ADPGK: variants seen among roughly 807,000 people sequenced by gnomAD.
The protein encoded by ADPGK is ADP-dependent glucokinase.
In ADPGK, 26 loss-of-function variants were observed where a neutral mutation model predicts 42.4. The observed-to-expected ratio is 0.61, with a 90% CI of 0.45 to 0.85. The LOEUF (loss-of-function observed/expected upper bound fraction) is 0.85. Ranked by LOEUF, ADPGK falls within the 40% of genes least tolerant of loss-of-function variation. The pLI is 0.00. For missense variants in ADPGK, 571 were observed against 627.0 expected, an observed-to-expected ratio of 0.91 and a Z score of 0.95; for synonymous variants, 267 against 252.6, an observed-to-expected ratio of 1.06 and a Z score of -0.54.
intron 3 of ADPGK, among the ~76,000 whole-genome samples, chr15:72,761,700 ATT>A (rs36022165): frequency 5.4e-4 from 77 of 142,934 alleles, no homozygotes; most frequent in African/African-American, 1.8e-3. Context: ...CTGCTTCATG[ATT>A]TTTTTTTTTT....
chr15:72,761,300 CTGTT>C (rs1164074857), intron 3 of ADPGK, among the ~76,000 whole-genome samples: 3 of 152,212 alleles, frequency 2.0e-5, no homozygotes, highest in Admixed American at 1.3e-4. Flanking sequence ...CAGATGAAAA[CTGTT>C]TGAGTTTTTA....
In ADPGK at chr15:72,752,308, C is replaced by A; in HGVS notation, c.*33G>T. On this transcript the variant is annotated 3_prime_UTR_variant, in exon 7 of 7. Transcript: ENST00000456471. The stretch of plus-strand genomic sequence containing the variant: ...TGTAATTCTTAAGTTGGCTAGTTCT[C>A]CTTCCTCAGAAAAATTACCCCTAAG... 3.2e-6 allele frequency: 5 copies of A among 1,565,750 alleles called. No individual in the cohort carries two copies. The South Asian group carries it at 4.8e-5, about 15-fold the overall frequency.
chr15:72,774,378 TG>T (rs1267528450), intron 2 of ADPGK, among the ~76,000 whole-genome samples: 2 of 151,932 alleles, frequency 1.3e-5, no homozygotes, highest in Admixed American at 1.3e-4. Flanking sequence ...GCAGGCATAC[TG>T]GGGTGAGGTA....
chr15:72,757,983 A>T (rs2066138415), intron 4 of ADPGK: 1 of 1,283,554 alleles, frequency 7.8e-7, no homozygotes, highest in Non-Finnish European at 1.1e-6. Context: ...CACAGGAAAC[A>T]AGGCAGCAGA....
At chr15:72,779,534 C>A (rs2066431416) in intron 1 of ADPGK, among the ~76,000 whole-genome samples, 1 of 152,042 alleles carries the variant, frequency 6.6e-6, no homozygotes, top group Admixed American at 6.6e-5. Flanking sequence ...CGTGAGCCAC[C>A]ATGCCTGCCG....
intron 2 of ADPGK, among the ~76,000 whole-genome samples, chr15:72,774,014 T>C (rs765295572): frequency 1.1e-4 from 16 of 152,276 alleles, no homozygotes; most frequent in Non-Finnish European, 1.0e-4. Flanking sequence ...GCTAATTTTT[T>C]GTATTTTTTG....
Position 72,752,722 on chromosome 15 carries a change from G to A in ADPGK, c.1113C>T (p.Ser371=). The part of the protein sequence containing the change: ...WILKEHGRSK[S]RASDLTRIHF... Reference sequence around the variant, plus strand: ...GGATCCTGGTGAGATCCGAGGCTCTGCTTTTACTCCTCCCATGTTCTTTCA... The same window carrying A: ...GGATCCTGGTGAGATCCGAGGCTCTACTTTTACTCCTCCCATGTTCTTTCA... Residue 371 remains serine, a synonymous_variant, in exon 7 of 7, where the codon AGC becomes AGT. Transcript: ENST00000456471. 1 of 1,614,220 alleles carries A rather than the reference G, an allele frequency of 6.2e-7. No homozygotes were observed. Among genetic ancestry groups the A allele is most frequent in the East Asian group, 2.2e-5 (1 of 44,882 alleles).
At position 72,758,378 on chromosome 15, in the gene ADPGK, G is replaced by A. The variant is rs1022784108; in HGVS notation, c.644-1931C>T. The A allele has an allele frequency of 7.1e-6, 4 of 566,354 alleles. No homozygotes were observed. The African/African-American group carries it at 7.5e-5, about 11-fold the overall frequency. The allele number at this position is 566,354 out of a possible 1,614,324, so 35.1% of individuals were successfully genotyped here. A position where few individuals can be genotyped will look rare whatever the true frequency, so the allele number is the denominator to read the frequency against. On this transcript the variant is annotated intron_variant, in intron 4 of 6. Coordinates refer to ENST00000456471, the MANE Select transcript of ADPGK (RefSeq NM_001365225.1). ...TGCGTAGTGACTCACTGGATTCCCA[G>A]CCCAAGCCTGACAATGGGCTTCTCT... is the stretch of plus-strand genomic sequence containing the variant.
intron 3 of ADPGK, among the ~76,000 whole-genome samples, chr15:72,761,074 G>C (rs940106407): frequency 3.9e-5 from 6 of 152,188 alleles, no homozygotes; most frequent in African/African-American, 1.4e-4. Context: ...CTGCAAGCCA[G>C]GAAGAGACTT....
intron 3 of ADPGK, among the ~76,000 whole-genome samples, chr15:72,765,555 T>C (rs2151081039): frequency 6.6e-6 from 1 of 152,380 alleles, no homozygotes; most frequent in Non-Finnish European, 1.5e-5. Flanking sequence ...TGAAAACTTC[T>C]GGAAAGAATT....
chr15:72,760,246 A>C, intron 4 of ADPGK, 161 bp downstream of exon 4: 1 of 840,066 alleles, frequency 1.2e-6, no homozygotes, highest in Non-Finnish European at 1.7e-6. Context: ...GACAACGGCC[A>C]GTATCAGCTC....
chr15:72,756,587 G>T, intron 4 of ADPGK, 140 bp from the exon 5 acceptor site: 1 of 848,028 alleles, frequency 1.2e-6, no homozygotes, highest in Non-Finnish European at 1.8e-6. Flanking sequence ...CAGCAACAAT[G>T]GCCTAAGGTC....
intron 6 of ADPGK, among the ~76,000 whole-genome samples, chr15:72,753,787 G>A (rs1358232237): frequency 6.6e-6 from 1 of 152,142 alleles, no homozygotes; most frequent in Non-Finnish European, 1.5e-5. Context: ...CCTCAGAAGG[G>A]TTAAGTAGAC....
At chr15:72,779,105 T>C (rs2066424858) in intron 1 of ADPGK, among the ~76,000 whole-genome samples, 1 of 152,164 alleles carries the variant, frequency 6.6e-6, no homozygotes, top group Admixed American at 6.5e-5. Context: ...AAGTTGTACA[T>C]GAAGGGATTA....
chr15:72,781,992 G>A (rs930601922), intron 1 of ADPGK, among the ~76,000 whole-genome samples: 15 of 152,290 alleles, frequency 9.8e-5, no homozygotes, highest in Middle Eastern at 3.4e-3. Flanking sequence ...AGGCCACATC[G>A]GAAGCCAATC....
At chr15:72,767,396 A>C (rs2066274158) in intron 3 of ADPGK, among the ~76,000 whole-genome samples, 1 of 151,698 alleles carries the variant, frequency 6.6e-6, no homozygotes, top group Non-Finnish European at 1.5e-5. Context: ...AAAAAAAAAA[A>C]CCAATAAGAA....
In ADPGK at chr15:72,760,410, C is replaced by T; in HGVS notation, c.640G>A (p.Ala214Thr). ...DEFHLILEYQ[A>T]GEEWGQLKAP... ...CATTACTTACTCATTTCCTTACCTG[C>T]TTGATACTCTAAAATGAGGTGGAAC... The change falls in exon 4 of 7, where the codon GCA (alanine) becomes ACA (threonine). Residue 214 changes from alanine to threonine, a missense_variant. Physicochemically the swap from Ala to Thr is moderately conservative, Grantham distance 58. Transcript: ENST00000456471. 2.5e-6 allele frequency: 4 copies of T among 1,599,844 alleles called. No individual in the cohort carries two copies. Among genetic ancestry groups the T allele is most frequent in the South Asian group, 1.1e-5 (1 of 89,620 alleles).
At position 72,783,725 on chromosome 15, in the gene ADPGK, T is replaced by C. The variant is rs1280059528; in HGVS notation, c.-34A>G. 6 of 1,425,634 alleles carry C rather than the reference T, an allele frequency of 4.2e-6. No individual in the cohort carries two copies. The highest frequency in any genetic ancestry group is 2.9e-5 in the Admixed American group (1 of 35,034). 88.3% of individuals were successfully genotyped at this position (1,425,634 alleles called of 1,614,324 possible). A position where few individuals can be genotyped will look rare whatever the true frequency, so the allele number is the denominator to read the frequency against. ...AGGCGCCGCACCTGCGCGAACCAAC[T>C]CCTTTCCTAGCCCGCGCCTCTTCCG... is the stretch of plus-strand genomic sequence containing the variant. On this transcript the variant is annotated 5_prime_UTR_variant, in exon 1 of 7. Transcript: ENST00000456471.
rs1239893691 is a variant in ADPGK, at chr15:72,762,932, G to A, written c.523-2405C>T. On this transcript the variant is annotated intron_variant, in intron 3 of 6. Coordinates refer to ENST00000456471, the MANE Select transcript of ADPGK (RefSeq NM_001365225.1). ...CTGGGAGGTGGAGAGCCAAGATCATGCCACTGCACTCTGGCATGGGCGACA... is the reference window on the plus strand; with the variant it reads ...CTGGGAGGTGGAGAGCCAAGATCATACCACTGCACTCTGGCATGGGCGACA... 3.9e-5 allele frequency among the ~76,000 whole-genome samples: 6 copies of A among 152,228 alleles called. No individual in the cohort carries two copies. In the South Asian group the frequency reaches 1.0e-3, roughly 26 times the overall value.
Sources: allele counts gnomAD v4.1 joint callset (sites outside exome capture counted in the v4.1 genomes callset), GRCh38; gene constraint gnomAD v4.1.1; transcripts MANE v1.5; gene names NCBI Gene and HGNC (gene_info 2026-07-23, HGNC 2026-07-21).